The following SLX4IP variants were observed in gnomAD, a reference collection of about 807,000 sequenced individuals.
SLX4IP encodes SLX4 interacting protein.
SLX4IP carries 34 observed loss-of-function variants against 32.9 expected under a neutral mutation model. The ratio of observed to expected loss-of-function variants is 1.03; its 90% confidence interval spans 0.79 to 1.38. The LOEUF (loss-of-function observed/expected upper bound fraction) is 1.38. Ranked by LOEUF, SLX4IP falls within the 40% of genes most tolerant of loss-of-function variation. The probability of loss-of-function intolerance (pLI) is 0.00; values close to 1 mark genes in which losing one functional copy is unlikely to be tolerated. For missense variants in SLX4IP, 444 were observed against 479.0 expected, an observed-to-expected ratio of 0.93 and a Z score of 0.68; for synonymous variants, 172 against 171.7, an observed-to-expected ratio of 1.00 and a Z score of -0.01.
At chr20:10,489,934 A>C (rs530957300) in intron 2 of SLX4IP, among the ~76,000 whole-genome samples, 1 of 152,284 alleles carries the variant, frequency 6.6e-6, no homozygotes, top group East Asian at 1.9e-4. Context: ...CTGGTCTCTG[A>C]TTTAAATTTT....
intron 1 of SLX4IP, among the ~76,000 whole-genome samples, chr20:10,440,183 G>A (rs1035023844): frequency 6.7e-6 from 1 of 150,304 alleles, no homozygotes. Context: ...GACCCAGTAC[G>A]GTGGCTCACG....
chr20:10,616,941 T>C (rs1328218339), intron 6 of SLX4IP, among the ~76,000 whole-genome samples: 1 of 152,210 alleles, frequency 6.6e-6, no homozygotes, highest in African/African-American at 2.4e-5. Context: ...CAATATTGCC[T>C]GATTGGATTA....
rs559867821 is a variant in SLX4IP, at chr20:10,595,452, C to T, written c.239-3223C>T. ...ACTCAGGTTTTCTGCATTTAAAACA[C>T]CAGCATAGCGAGCTGGGAGCTGGTG... is the stretch of plus-strand genomic sequence containing the variant. On this transcript the variant is annotated intron_variant, in intron 4 of 7. Coordinates refer to ENST00000334534, the MANE Select transcript of SLX4IP (RefSeq NM_001009608.3). Among the ~76,000 whole-genome samples, 11 of 152,312 alleles carry T rather than the reference C, an allele frequency of 7.2e-5. No homozygotes were observed. The East Asian group carries it at 1.9e-3, about 27-fold the overall frequency.
At chr20:10,552,838 T>C (rs1185077639) in intron 2 of SLX4IP, among the ~76,000 whole-genome samples, 2 of 143,932 alleles carry the variant, frequency 1.4e-5, no homozygotes, top group Non-Finnish European at 3.0e-5. Context: ...CCCCTTTTTT[T>C]TTTTAAAGAA....
chr20:10,567,940 T>A (rs2066415431), intron 4 of SLX4IP, among the ~76,000 whole-genome samples: 1 of 152,234 alleles, frequency 6.6e-6, no homozygotes, highest in African/African-American at 2.4e-5. Context: ...AATTTTTATC[T>A]GTTCATAACT....
intron 2 of SLX4IP, among the ~76,000 whole-genome samples, chr20:10,550,613 G>A (rs2066208968): frequency 6.6e-6 from 1 of 152,118 alleles, no homozygotes; most frequent in Admixed American, 6.6e-5. Flanking sequence ...TCCTACCCAA[G>A]AGAGCCCTCC....
At chr20:10,562,902 T>C (rs2066348526) in intron 4 of SLX4IP, among the ~76,000 whole-genome samples, 1 of 152,212 alleles carries the variant, frequency 6.6e-6, no homozygotes, top group South Asian at 2.1e-4. Context: ...TTCAATATAC[T>C]GATTTTCTTC....
In SLX4IP at chr20:10,625,130, A is replaced by G. The variant is rs1379195676; in HGVS notation, c.*1751A>G. 1 of 151,942 alleles carries G rather than the reference A, an allele frequency of 6.6e-6. No homozygotes were observed. The highest frequency in any genetic ancestry group is 1.5e-5 in the Non-Finnish European group (1 of 68,042). The allele number at this position is 151,942 out of a possible 1,614,324, so 9.4% of individuals were successfully genotyped here. Reference sequence around the variant, plus strand: ...TGCTTATACAATAGGGGTGGGCTGCACAGAGTGGAAACCGAGTACCTGGTA... The same window carrying G: ...TGCTTATACAATAGGGGTGGGCTGCGCAGAGTGGAAACCGAGTACCTGGTA... On this transcript the variant is annotated 3_prime_UTR_variant, in exon 8 of 8. Coordinates refer to ENST00000334534, the MANE Select transcript of SLX4IP (RefSeq NM_001009608.3).
chr20:10,521,983 T>C (rs1475453391), intron 2 of SLX4IP, among the ~76,000 whole-genome samples: 1 of 152,180 alleles, frequency 6.6e-6, no homozygotes, highest in African/African-American at 2.4e-5. Context: ...ATGTGTCATT[T>C]AATTTGATTA....
chr20:10,454,793 G>A (rs902548457), intron 1 of SLX4IP, among the ~76,000 whole-genome samples: 2 of 151,996 alleles, frequency 1.3e-5, no homozygotes, highest in African/African-American at 4.8e-5. Context: ...GGGTCATGTG[G>A]CAACTCTTTA....
At chr20:10,575,566 G>A (rs1487936513) in intron 4 of SLX4IP, among the ~76,000 whole-genome samples, 1 of 148,242 alleles carries the variant, frequency 6.7e-6, no homozygotes, top group African/African-American at 2.5e-5. Context: ...ATATAACAGT[G>A]GCTGCTTCTC....
intron 2 of SLX4IP, among the ~76,000 whole-genome samples, chr20:10,499,106 G>A (rs566462401): frequency 6.6e-6 from 1 of 152,094 alleles, no homozygotes; most frequent in African/African-American, 2.4e-5. Context: ...TTTAAATTTA[G>A]TGATCTTATT....
At chr20:10,613,348 G>A in intron 6 of SLX4IP, 1 of 1,080,264 alleles carries the variant, frequency 9.3e-7, no homozygotes, top group Admixed American at 1.8e-5. Context: ...CTCAAGAGTT[G>A]AATTGCTTTT....
chr20:10,601,278 C>A (rs1327350890), intron 5 of SLX4IP, among the ~76,000 whole-genome samples: 1 of 152,164 alleles, frequency 6.6e-6, no homozygotes, highest in African/African-American at 2.4e-5. Flanking sequence ...CTCTCTAAGA[C>A]TAGCTAACCA....
At chr20:10,554,102 T>G (rs1429095991) in intron 2 of SLX4IP, among the ~76,000 whole-genome samples, 1 of 152,258 alleles carries the variant, frequency 6.6e-6, no homozygotes, top group African/African-American at 2.4e-5. Flanking sequence ...AAAGTTCCTT[T>G]GTGACAGTTC....
intron 4 of SLX4IP, among the ~76,000 whole-genome samples, chr20:10,594,955 A>G (rs967401117): frequency 2.0e-5 from 3 of 152,164 alleles, no homozygotes; most frequent in Admixed American, 6.5e-5. Context: ...GTAAGCCAGA[A>G]GAAAGTTAGT....
intron 2 of SLX4IP, among the ~76,000 whole-genome samples, chr20:10,473,585 A>G (rs1009340702): frequency 2.8e-5 from 4 of 143,810 alleles, no homozygotes; most frequent in African/African-American, 1.0e-4. Flanking sequence ...AATTCTTCTT[A>G]AAACTGCCAG....
intron 2 of SLX4IP, among the ~76,000 whole-genome samples, chr20:10,526,307 C>T (rs2065940327): frequency 6.6e-6 from 1 of 152,174 alleles, no homozygotes; most frequent in African/African-American, 2.4e-5. Context: ...TATAATTTAG[C>T]TCTTGCTCAA....
At chr20:10,563,335 T>C (rs767308960) in intron 4 of SLX4IP, among the ~76,000 whole-genome samples, 15 of 152,272 alleles carry the variant, frequency 9.9e-5, no homozygotes, top group Admixed American at 2.0e-4. Context: ...TTGCAAATAC[T>C]GTCTTCCATT....
Sources: gnomAD v4.1 joint callset for allele counts (sites outside exome capture counted in the v4.1 genomes callset) on GRCh38, gnomAD v4.1.1 for gene constraint, MANE v1.5 for transcripts, NCBI Gene and HGNC (gene_info 2026-07-23, HGNC 2026-07-21) for gene names.